QRICH1: variants seen among roughly 807,000 people sequenced by gnomAD.
QRICH1 encodes the protein glutamine rich 1, also known as transcriptional regulator QRICH1.
A neutral mutation model predicts 87.1 loss-of-function variants in QRICH1; 16 were observed. The ratio of observed to expected loss-of-function variants is 0.18; its 90% confidence interval spans 0.12 to 0.28. The LOEUF (loss-of-function observed/expected upper bound fraction) is 0.28, where lower values mean the gene tolerates loss of function less well. Among genes scored for constraint, QRICH1 ranks in the 10% least tolerant of loss-of-function variants. The probability of loss-of-function intolerance (pLI) is 1.00; values close to 1 mark genes in which losing one functional copy is unlikely to be tolerated. For synonymous variants in QRICH1, 367 were observed against 368.4 expected, an observed-to-expected ratio of 1.00 and a Z score of 0.05; for missense variants, 647 against 951.7, an observed-to-expected ratio of 0.68 and a Z score of 4.21.
intron 1 of QRICH1, among the ~76,000 whole-genome samples, chr3:49,085,412 G>C (rs899785055): frequency 1.3e-5 from 2 of 151,772 alleles, no homozygotes; most frequent in Middle Eastern, 3.2e-3. Flanking sequence ...AATGGTAACA[G>C]ACACGTAATT....
chr3:49,069,103 TA>T lies in QRICH1; in HGVS notation c.309+7605del, dbSNP rs200052991. On this transcript the variant is annotated intron_variant, in intron 2 of 9. Transcript: ENST00000395443. Reference sequence around the variant, plus strand: ...GAAAATTTATTATTATTATTATTATTATTATTTTTTTTTTTTTTTTGAGATA... The same window carrying T: ...GAAAATTTATTATTATTATTATTATTTTATTTTTTTTTTTTTTTTGAGATA... Among the ~76,000 whole-genome samples, 510 of 79,602 alleles carry T rather than the reference TA, an allele frequency of 6.4e-3. 6 individuals are homozygous for T. The South Asian group carries it at 0.12, about 19-fold the overall frequency. The allele number at this position is 79,602 out of a possible 152,430, so 52.2% of individuals were successfully genotyped here. A position where few individuals can be genotyped will look rare whatever the true frequency, so the allele number is the denominator to read the frequency against.
chr3:49,077,957 C>G lies in QRICH1; in HGVS notation c.-21-919G>C, dbSNP rs569747659. Among the ~76,000 whole-genome samples, 11 of 152,276 alleles carry G rather than the reference C, an allele frequency of 7.2e-5. No individual in the cohort carries two copies. In the South Asian group the frequency reaches 2.1e-3, roughly 29 times the overall value. On this transcript the variant is annotated intron_variant, in intron 1 of 9. Transcript: ENST00000395443. ...CCTTAAGAATTAACCTGCAGACGTA[C>G]AGTTAACTCTCATCATCTGAGGGAA...
At chr3:49,032,440 C>A in intron 8 of QRICH1, 167 bp from the exon 9 acceptor site, 1 of 878,308 alleles carries the variant, frequency 1.1e-6, no homozygotes, top group East Asian at 2.6e-5. Flanking sequence ...GGCAGCTATT[C>A]TGTCTGGGGC....
intron 2 of QRICH1, among the ~76,000 whole-genome samples, chr3:49,072,646 A>C (rs1449474578): frequency 1.3e-5 from 2 of 152,232 alleles, no homozygotes; most frequent in African/African-American, 4.8e-5. Context: ...TAATAAGCTC[A>C]TGCCAACAAT....
intron 3 of QRICH1, among the ~76,000 whole-genome samples, chr3:49,048,225 C>CG (rs2093349785): frequency 6.6e-6 from 1 of 151,462 alleles, no homozygotes; most frequent in African/African-American, 2.4e-5. Flanking sequence ...CTCTGTCTCC[C>CG]GGGTTCAAGC....
At chr3:49,042,258 C>T (rs1228639162) in intron 6 of QRICH1, among the ~76,000 whole-genome samples, 5 of 151,562 alleles carry the variant, frequency 3.3e-5, no homozygotes, top group Admixed American at 2.0e-4. Flanking sequence ...CCACCACAAC[C>T]GGCTAATTTT....
intron 2 of QRICH1, among the ~76,000 whole-genome samples, chr3:49,062,364 T>C (rs905420730): frequency 1.4e-5 from 2 of 142,704 alleles, no homozygotes; most frequent in Admixed American, 1.4e-4. Context: ...AAAAAATTGG[T>C]GTAGTCGCTT....
At chr3:49,072,799 T>C (rs2041867176) in intron 2 of QRICH1, among the ~76,000 whole-genome samples, 1 of 152,042 alleles carries the variant, frequency 6.6e-6, no homozygotes, top group Non-Finnish European at 1.5e-5. Context: ...CCCAGCACTT[T>C]GGGAGGCTGA....
chr3:49,037,020 G>A (rs1003145477), intron 6 of QRICH1, among the ~76,000 whole-genome samples: 3 of 143,402 alleles, frequency 2.1e-5, no homozygotes, highest in Admixed American at 7.4e-5. Flanking sequence ...ACAGTGAGCC[G>A]TGTTCCCATC....
intron 5 of QRICH1, among the ~76,000 whole-genome samples, chr3:49,044,994 C>T (rs1458614273): frequency 6.6e-6 from 1 of 151,984 alleles, no homozygotes; most frequent in Non-Finnish European, 1.5e-5. Flanking sequence ...AGACATTTCT[C>T]AAGACTAGGC....
chr3:49,051,591 C>T (rs1009755242), intron 3 of QRICH1, among the ~76,000 whole-genome samples: 2 of 137,174 alleles, frequency 1.5e-5, no homozygotes, highest in Admixed American at 7.2e-5. Context: ...TGCGCCCCCC[C>T]CCCCCTCCGC....
chr3:49,047,479 G>GTTTTTTTTTTT, intron 3 of QRICH1, among the ~76,000 whole-genome samples: 1 of 109,086 alleles, frequency 9.2e-6, no homozygotes, highest in Non-Finnish European at 1.9e-5. Context: ...ACTTTTAAAT[G>GTTTTTTTTTTT]TTTTTTTTTT....
chr3:49,074,553 C>G (rs1372001976), intron 2 of QRICH1, among the ~76,000 whole-genome samples: 1 of 151,474 alleles, frequency 6.6e-6, no homozygotes, highest in African/African-American at 2.4e-5. Flanking sequence ...GCCTGGGGGA[C>G]AGAGCGAGAC....
rs1426441756 is a variant in QRICH1, at chr3:49,093,903, A to C, written c.-22+9T>G. The C allele has an allele frequency of 8.9e-6, 2 of 225,916 alleles. No homozygotes were observed. The highest frequency in any genetic ancestry group is 1.6e-4 in the East Asian group (2 of 12,172). The allele number at this position is 225,916 out of a possible 1,614,324, so 14.0% of individuals were successfully genotyped here. A position where few individuals can be genotyped will look rare whatever the true frequency, so the allele number is the denominator to read the frequency against. On this transcript the variant is annotated intron_variant, in intron 1 of 9. Transcript: ENST00000395443. The stretch of plus-strand genomic sequence containing the variant: ...TTCGCCGCATCCCCACCCGCACTGG[A>C]GCCCTCACCCGGCGACGTCACTGCC...
intron 3 of QRICH1, among the ~76,000 whole-genome samples, chr3:49,048,760 C>G (rs1468954596): frequency 1.4e-5 from 2 of 140,862 alleles, no homozygotes; most frequent in Non-Finnish European, 3.0e-5. Context: ...TGTACTCCAG[C>G]CTGGGTAACA....
chr3:49,075,082 G>A (rs2041924402), intron 2 of QRICH1, among the ~76,000 whole-genome samples: 1 of 151,988 alleles, frequency 6.6e-6, no homozygotes, highest in Admixed American at 6.6e-5. Flanking sequence ...AGCTCTTTGG[G>A]AGGCCAAGGC....
chr3:49,070,729 C>G (rs1428977695), intron 2 of QRICH1, among the ~76,000 whole-genome samples: 1 of 152,238 alleles, frequency 6.6e-6, no homozygotes, highest in Non-Finnish European at 1.5e-5. Flanking sequence ...GCCACCATGC[C>G]TGGCCTGGCC....
At chr3:49,068,975 G>T (rs936886591) in intron 2 of QRICH1, among the ~76,000 whole-genome samples, 13 of 151,712 alleles carry the variant, frequency 8.6e-5, no homozygotes, top group Non-Finnish European at 1.2e-4. Flanking sequence ...AACTACTCTT[G>T]CAGGTATCAT....
At chr3:49,081,159 C>CT (rs2042051839) in intron 1 of QRICH1, among the ~76,000 whole-genome samples, 1 of 151,992 alleles carries the variant, frequency 6.6e-6, no homozygotes, top group African/African-American at 2.4e-5. Flanking sequence ...GCTCAGGCCT[C>CT]TAATCCCAGC....
Sources: allele counts gnomAD v4.1 joint callset (sites outside exome capture counted in the v4.1 genomes callset), GRCh38; gene constraint gnomAD v4.1.1; transcripts MANE v1.5; gene names NCBI Gene and HGNC (gene_info 2026-07-23, HGNC 2026-07-21).